SHOX: variants seen among roughly 807,000 people sequenced by gnomAD.
The protein encoded by SHOX is SHOX homeobox.
Under a neutral mutation model 29.6 loss-of-function variants are expected in SHOX, and 12 were observed. That is an observed-to-expected ratio of 0.41 (90% CI 0.26 to 0.66). SHOX has a LOEUF of 0.66. Ranked by LOEUF, SHOX falls within the 30% of genes least tolerant of loss-of-function variation. The probability of loss-of-function intolerance (pLI) is 0.35; values close to 1 mark genes in which losing one functional copy is unlikely to be tolerated. For missense variants in SHOX, 499 were observed against 437.7 expected, an observed-to-expected ratio of 1.14 and a Z score of -1.25; for synonymous variants, 214 against 200.6, an observed-to-expected ratio of 1.07 and a Z score of -0.57.
chrX:652,091 A>C (rs1224385864), downstream of SHOX, among the ~76,000 whole-genome samples: 3 of 151,868 alleles, frequency 2.0e-5, no homozygotes, highest in East Asian at 5.8e-4. Context: ...CGCCCGGCTC[A>C]TTTTTGTATT....
chrX:658,954 G>A, exon 6 of SHOX: 1 of 216,882 alleles, frequency 4.6e-6, no homozygotes, highest in South Asian at 5.8e-5. Flanking sequence ...CAGTAGAGAT[G>A]GGGTTTGACC....
rs1161542522 is a variant in SHOX, at chrX:647,244, CTT to C, written c.*2610_*2611del. On this transcript the variant is annotated 3_prime_UTR_variant, in exon 5 of 5. Coordinates refer to ENST00000686671, the MANE Select transcript of SHOX (RefSeq NM_000451.4). The stretch of plus-strand genomic sequence containing the variant: ...GGCACCTGCCACCAGGCCTGGGTAA[CTT>C]TCTGGTATTTTTAGTAGAGACAGGG... 6.7e-6 allele frequency among the ~76,000 whole-genome samples: 1 copy of C among 148,540 alleles called. No homozygotes were observed. The highest frequency in any genetic ancestry group is 2.5e-5 in the African/African-American group (1 of 40,030).
At chrX:654,974 C>G (rs2053117086), downstream of SHOX, among the ~76,000 whole-genome samples, 2 of 150,392 alleles carry the variant, frequency 1.3e-5, no homozygotes, top group Admixed American at 6.6e-5. Context: ...AGGCGTGAGC[C>G]ACCGCGCCTG....
downstream of SHOX, among the ~76,000 whole-genome samples, chrX:652,832 G>C (rs28579720): frequency 0.11 from 16,921 of 151,930 alleles, 1,074 homozygotes; most frequent in Admixed American, 0.18. Flanking sequence ...TGCTTTTTGC[G>C]TGTTAGCAGA....
chrX:644,327 C>T, intron 4 of SHOX, 64 bp from the exon 5 acceptor site: 2 of 1,452,344 alleles, frequency 1.4e-6, no homozygotes, highest in Non-Finnish European at 1.8e-6. Context: ...TCCGGGGGCG[C>T]GGGGCGGAGC....
intron 2 of SHOX, among the ~76,000 whole-genome samples, chrX:638,293 G>A (rs1283334469): frequency 6.6e-6 from 1 of 151,936 alleles, no homozygotes; most frequent in African/African-American, 2.4e-5. Context: ...AAGGGAGAGT[G>A]AATGAGGCTT....
upstream of SHOX, chrX:630,545 C>T (rs753229661): frequency 2.5e-5 from 11 of 435,156 alleles, no homozygotes; most frequent in South Asian, 1.8e-4. Context: ...CCTGCGCCCC[C>T]CTCCTGCGCG....
intron 1 of SHOX, among the ~76,000 whole-genome samples, chrX:632,418 G>C (rs1193635238): frequency 6.6e-6 from 1 of 152,238 alleles, no homozygotes; most frequent in African/African-American, 2.4e-5. Context: ...GGCACAGCTG[G>C]AGACGGCTAT....
At chrX:638,523 C>T (rs1373595074) in intron 2 of SHOX, among the ~76,000 whole-genome samples, 2 of 152,134 alleles carry the variant, frequency 1.3e-5, no homozygotes, top group South Asian at 4.1e-4. Context: ...AGGCAGGGGC[C>T]TTTTTGGCGG....
intron 2 of SHOX, among the ~76,000 whole-genome samples, chrX:636,970 A>ATATATATATATATATATTTTTTTTTTT (rs1458275715): frequency 7.3e-6 from 1 of 137,324 alleles, no homozygotes; most frequent in African/African-American, 2.8e-5. Context: ...ATATATATAT[A>ATATATATATATATATATTTTTTTTTTT]TTTTGGCTCC....
intron 1 of SHOX, chrX:624,678 C>G (rs2052469587): frequency 7.7e-6 from 1 of 129,078 alleles, no homozygotes; most frequent in African/African-American, 3.0e-5. Flanking sequence ...TCCTTCCTTC[C>G]TTCCTTCCTC....
At chrX:634,367 G>A (rs1157293368) in intron 1 of SHOX, among the ~76,000 whole-genome samples, 3 of 152,172 alleles carry the variant, frequency 2.0e-5, no homozygotes, top group Non-Finnish European at 1.5e-5. Flanking sequence ...TATGTCAACA[G>A]AGGTGAAGTG....
chrX:650,810 A>AAAAAAC lies in SHOX; in HGVS notation c.*6179_*6180insCAAAAA, dbSNP rs2053048110. ...TTGACATTAAAAAAAAAAAAAAAAAAAAAAAAAAACTGGTGCCTAATTTAT... is the reference window on the plus strand; with the variant it reads ...TTGACATTAAAAAAAAAAAAAAAAAAAAAAACAAAAAAAAACTGGTGCCTAATTTAT... On this transcript the variant is annotated 3_prime_UTR_variant, in exon 5 of 5. Transcript: ENST00000686671. 2.0e-5 allele frequency among the ~76,000 whole-genome samples: 3 copies of AAAAAAC among 150,096 alleles called. No individual in the cohort carries two copies. Among genetic ancestry groups the AAAAAAC allele is most frequent in the Admixed American group, 6.7e-5 (1 of 15,030 alleles).
chrX:641,356 G>A (rs1338546388), intron 4 of SHOX, among the ~76,000 whole-genome samples: 2 of 151,974 alleles, frequency 1.3e-5, no homozygotes, highest in African/African-American at 2.4e-5. Flanking sequence ...GAGATCAGGA[G>A]TTCAAGACCA....
chrX:634,963 G>C, intron 2 of SHOX, 137 bp downstream of exon 2: 1 of 919,306 alleles, frequency 1.1e-6, no homozygotes, highest in Non-Finnish European at 1.6e-6. Flanking sequence ...GTGAGGGACG[G>C]GCTGGGGTTC....
At chrX:654,349 A>C (rs1321553340), downstream of SHOX, among the ~76,000 whole-genome samples, 2 of 152,012 alleles carry the variant, frequency 1.3e-5, no homozygotes, top group Non-Finnish European at 2.9e-5. Context: ...TATAATAATA[A>C]AAAAATTAAA....
In SHOX at chrX:650,923, T is replaced by G. The variant is rs1253760747; in HGVS notation, c.*6287T>G. The stretch of plus-strand genomic sequence containing the variant: ...CCATTTATAAATGTTTTATTGAAAT[T>G]TGATATTTAATGAGAAGCCGGTTAA... On this transcript the variant is annotated 3_prime_UTR_variant, in exon 5 of 5. Coordinates refer to ENST00000686671, the MANE Select transcript of SHOX (RefSeq NM_000451.4). Among the ~76,000 whole-genome samples the G allele has an allele frequency of 1.3e-5, 2 of 151,952 alleles. No individual in the cohort carries two copies. Among genetic ancestry groups the G allele is most frequent in the Non-Finnish European group, 2.9e-5 (2 of 68,018 alleles).
chrX:650,914 T>C lies in SHOX; in HGVS notation c.*6278T>C, dbSNP rs750620263. ...AAGTTGATGCCATTTATAAATGTTT[T>C]ATTGAAATTTGATATTTAATGAGAA... On this transcript the variant is annotated 3_prime_UTR_variant, in exon 5 of 5. Transcript: ENST00000686671. Among the ~76,000 whole-genome samples the C allele has an allele frequency of 4.1e-4, 63 of 152,024 alleles. No individual in the cohort carries two copies. Among genetic ancestry groups the C allele is most frequent in the African/African-American group, 1.3e-3 (56 of 41,504 alleles).
rs1556451588 is a variant in SHOX at position 624,862 on chromosome X, T to TTTCCTTTCTTTCTTTTC, written c.-433+262_-433+263insCCTTTCTTTCTTTTCTT. Among the ~76,000 whole-genome samples the TTTCCTTTCTTTCTTTTC allele has an allele frequency of 2.3e-3, 177 of 76,846 alleles. 3 individuals carry two copies. Among genetic ancestry groups the TTTCCTTTCTTTCTTTTC allele is most frequent in the African/African-American group, 7.3e-3 (146 of 20,102 alleles). 50.4% of individuals were successfully genotyped at this position (76,846 alleles called of 152,430 possible). ...TCCTTCCTCTCTTCCTCTTTCTTTC[T>TTTCCTTTCTTTCTTTTC]TTTCTTTCTTTCTTTCTTTCTTTCT... On this transcript the variant is annotated intron_variant, in intron 1 of 5. Transcript: ENST00000334060.
Sources: allele counts gnomAD v4.1 joint callset (sites outside exome capture counted in the v4.1 genomes callset), GRCh38; gene constraint gnomAD v4.1.1; transcripts MANE v1.5; gene names NCBI Gene and HGNC (gene_info 2026-07-23, HGNC 2026-07-21).